Variants in ATP8B3 observed in about 807,000 individuals in gnomAD.
ATP8B3 encodes phospholipid-transporting ATPase IK.
A neutral mutation model predicts 140.9 loss-of-function variants in ATP8B3; 141 were observed. The observed-to-expected ratio is 1.00, with a 90% CI of 0.87 to 1.15. ATP8B3 has a LOEUF of 1.15. Among genes scored for constraint, ATP8B3 ranks in the 50% most tolerant of loss-of-function variants. ATP8B3 has a pLI of 0.00. For missense variants in ATP8B3, 1,874 were observed against 1,740.6 expected (o/e 1.08, Z -1.36); for synonymous variants, 765 against 714.6 (o/e 1.07, Z -1.13).
intron 20 of ATP8B3, 80 bp downstream of exon 20, chr19:1,791,670 G>A: frequency 1.8e-6 from 2 of 1,106,210 alleles, no homozygotes; most frequent in Non-Finnish European, 2.7e-6. Context: ...TGGGATGACA[G>A]GTGTGAGCCT....
At chr19:1,799,710 G>A (rs1289848346) in intron 14 of ATP8B3, 8 of 591,072 alleles carry the variant, frequency 1.4e-5, no homozygotes, top group African/African-American at 1.3e-4. Context: ...ATTGCAGTGA[G>A]CCAAGATTGC....
At chr19:1,804,148 A>T (rs2068938766) in intron 10 of ATP8B3, among the ~76,000 whole-genome samples, 1 of 152,190 alleles carries the variant, frequency 6.6e-6, no homozygotes, top group Non-Finnish European at 1.5e-5. Context: ...GCTGCAGCAA[A>T]GAGTAACTGT....
intron 28 of ATP8B3, 49 bp downstream of exon 28, chr19:1,784,770 G>T (rs1266907475): frequency 6.5e-7 from 1 of 1,538,644 alleles, no homozygotes; most frequent in Non-Finnish European, 8.7e-7. Context: ...TCCCCAACCA[G>T]GGTCCTGGAA....
chr19:1,794,174 C>T lies in ATP8B3; in HGVS notation c.2055+1701G>A, dbSNP rs2068601191. 1.3e-5 allele frequency among the ~76,000 whole-genome samples: 2 copies of T among 152,232 alleles called. 1 individual carries two copies. The highest frequency in any genetic ancestry group is 4.1e-4 in the South Asian group (2 of 4,838). ...TCCCAAAGTGCTGGGACCACAGGCA[C>T]GCGCCACCATGTCTGATTTCCCTTT... is the stretch of plus-strand genomic sequence containing the variant. On this transcript the variant is annotated intron_variant, in intron 18 of 28. Transcript: ENST00000310127. This position sits in a 1 kb window ranked among gnomAD's most constrained non-coding sequence, Gnocchi z 4.8.
chr19:1,788,945 G>A lies in ATP8B3; in HGVS notation c.3021C>T (p.Ser1007=), dbSNP rs1414133678. 3.7e-6 allele frequency: 6 copies of A among 1,607,608 alleles called. No individual in the cohort carries two copies. In the African/African-American group the frequency reaches 8.0e-5, roughly 21 times the overall value. ...LRYFFYKSMA[S]MMVQVWFACY... ...AGGCAAACCAGACCTGCACCATCAT[G>A]CTGGCCATGCTCTTGTAGAAGAAGT... is the stretch of plus-strand genomic sequence containing the variant. The change falls in exon 24 of 29, where the codon AGC becomes AGT. Residue 1007 remains serine (S), a synonymous_variant. Coordinates refer to ENST00000310127, the MANE Select transcript of ATP8B3 (RefSeq NM_138813.4).
intron 14 of ATP8B3, chr19:1,799,611 C>G (rs2068779219): frequency 2.0e-6 from 1 of 505,946 alleles, no homozygotes; most frequent in African/African-American, 2.0e-5. Flanking sequence ...GCTAAAAATA[C>G]AAAAAAATTA....
chr19:1,806,311 G>C lies in ATP8B3; in HGVS notation c.678-142C>G, dbSNP rs1197697675. On this transcript the variant is annotated intron_variant, in intron 7 of 28. Transcript: ENST00000310127. The surrounding 1 kb of genome is among the most constrained non-coding windows in gnomAD (Gnocchi z 5.6). ...TTTGCCCCCTCAGGAAGCCTTCCCC[G>C]GGCTCCCACCCCACTCCCCGCGGGT... 6.8e-7 allele frequency: 1 copy of C among 1,481,112 alleles called. No individual in the cohort carries two copies. The highest frequency in any genetic ancestry group is 1.4e-5 in the African/African-American group (1 of 71,626). 91.7% of individuals were successfully genotyped at this position (1,481,112 alleles called of 1,614,324 possible). A position where few individuals can be genotyped will look rare whatever the true frequency, so the allele number is the denominator to read the frequency against.
intron 18 of ATP8B3, among the ~76,000 whole-genome samples, chr19:1,792,914 CAA>C (rs199718872): frequency 2.4e-4 from 24 of 100,486 alleles, no homozygotes; most frequent in Non-Finnish European, 3.5e-4. Flanking sequence ...GATTCTGTTT[CAA>C]AAAAAAAAAA....
chr19:1,784,004 G>A (rs2068231131), intron 28 of ATP8B3, among the ~76,000 whole-genome samples: 1 of 152,132 alleles, frequency 6.6e-6, no homozygotes. Context: ...CTGGCCTTGA[G>A]CACATGTCCT....
intron 25 of ATP8B3, 66 bp downstream of exon 25, chr19:1,787,037 G>T: frequency 4.9e-6 from 7 of 1,438,582 alleles, no homozygotes; most frequent in Non-Finnish European, 6.7e-6. Context: ...CCGCCCCAAG[G>T]AGCGGAGGAG....
intron 18 of ATP8B3, 105 bp from the exon 19 acceptor site, chr19:1,792,240 A>C: frequency 1.5e-6 from 2 of 1,321,456 alleles, no homozygotes; most frequent in Non-Finnish European, 2.0e-6. Context: ...CCCCCAACCA[A>C]AAGCCTGTTG....
chr19:1,805,783 T>A lies in ATP8B3; in HGVS notation c.821+105A>T, dbSNP rs2068992973. The A allele has an allele frequency of 2.8e-6, 4 of 1,410,320 alleles. No homozygotes were observed. In the South Asian group the frequency reaches 4.8e-5, roughly 17 times the overall value. The allele number at this position is 1,410,320 out of a possible 1,614,324, so 87.4% of individuals were successfully genotyped here. A position where few individuals can be genotyped will look rare whatever the true frequency, so the allele number is the denominator to read the frequency against. On this transcript the variant is annotated intron_variant, in intron 9 of 28. Transcript: ENST00000310127. This position sits in a 1 kb window ranked among gnomAD's most constrained non-coding sequence, Gnocchi z 5.2. ...ACTCATGGGGTGAGTGACCAAAGTC[T>A]CTGAGCGACCTTGGCTGGCCGCCTC...
chr19:1,792,755 C>T (rs1314862851), intron 18 of ATP8B3, among the ~76,000 whole-genome samples: 7 of 151,554 alleles, frequency 4.6e-5, no homozygotes, highest in Admixed American at 2.0e-4. Context: ...CCACTCGAAA[C>T]ACATAAAAAA....
Position 1,800,599 on chromosome 19 carries a change from G to A in ATP8B3, c.1153-150C>T. ...CTTCAGGAGGCTAAGGCAGGCGGAT[G>A]GCTTGACGTCAGGAGTTCAAGACCA... On this transcript the variant is annotated intron_variant, in intron 12 of 28. Transcript: ENST00000310127. This position sits in a 1 kb window ranked among gnomAD's most constrained non-coding sequence, Gnocchi z 4.4. The A allele has an allele frequency of 1.4e-6, 1 of 709,016 alleles. No homozygotes were observed. 43.9% of individuals were successfully genotyped at this position (709,016 alleles called of 1,614,324 possible). A position where few individuals can be genotyped will look rare whatever the true frequency, so the allele number is the denominator to read the frequency against.
Position 1,799,960 on chromosome 19 carries a change from G to A in ATP8B3, c.1539C>T (p.Ser513=), listed in dbSNP as rs780966904. The change falls in exon 14 of 29, where the codon AGC becomes AGT. Residue 513 remains serine (S), a synonymous_variant. Transcript: ENST00000310127. The part of the protein sequence containing the change: ...NILTFNKCCI[S]GRVYGPDSEA... ...TCGGGGCCGCACCATAGACGCGGCC[G>A]CTGATGCAGCACTTGTTGAAGGTCA... 1.4e-4 allele frequency: 222 copies of A among 1,598,644 alleles called. 2 individuals carry two copies. The highest frequency in any genetic ancestry group is 1.6e-4 in the Middle Eastern group (1 of 6,062).
chr19:1,783,293 G>C (rs1253516045), intron 28 of ATP8B3, 23 bp from the exon 29 acceptor site: 1 of 1,599,424 alleles, frequency 6.3e-7, no homozygotes, highest in African/African-American at 1.3e-5. Flanking sequence ...GGGGAGAGCA[G>C]GGGAAGCAGA....
rs2068417082 is a variant in ATP8B3 at position 1,789,445 on chromosome 19, G to C, written c.2761C>G (p.Leu921Val). Residue 921 changes from leucine to valine, a missense_variant, in exon 23 of 29, where the codon CTG (leucine) becomes GTG (valine). By Grantham distance (32) the Leu-to-Val change is conservative (BLOSUM62 1). This residue lies in a region of ATP8B3 where 840 missense variants were observed against 760.9 expected (regional missense o/e 1.10). Transcript: ENST00000310127. ...TACTTCTTGACCAGGGCCACGATCAGGGCCTTCTGCTTGGGCGTCACGCGG... is the reference window on the plus strand; with the variant it reads ...TACTTCTTGACCAGGGCCACGATCACGGCCTTCTGCTTGGGCGTCACGCGG... ...CCRVTPKQKALIVALVKKYHQ... is the reference protein window; with the variant it reads ...CCRVTPKQKAVIVALVKKYHQ... 1 of 1,597,894 alleles carries C rather than the reference G, an allele frequency of 6.3e-7. No homozygotes were observed. Among genetic ancestry groups the C allele is most frequent in the African/African-American group, 1.3e-5 (1 of 74,210 alleles).
intron 14 of ATP8B3, 53 bp downstream of exon 14, chr19:1,799,894 G>A: frequency 6.6e-7 from 1 of 1,510,624 alleles, no homozygotes; most frequent in Non-Finnish European, 8.9e-7. Flanking sequence ...CAGGCACCCT[G>A]AGCCCCTTGA....
intron 23 of ATP8B3, 65 bp from the exon 24 acceptor site, chr19:1,789,185 C>T (rs2068405184): frequency 9.6e-7 from 1 of 1,040,510 alleles, no homozygotes; most frequent in Non-Finnish European, 1.3e-6. Flanking sequence ...CCCCCAGACC[C>T]CCGCACTGTT....
Sources: allele counts gnomAD v4.1 joint callset (sites outside exome capture counted in the v4.1 genomes callset), GRCh38; gene constraint gnomAD v4.1.1; regional missense constraint gnomAD v4.1.1; non-coding constraint Gnocchi (gnomAD v3.1); transcripts MANE v1.5; gene names NCBI Gene and HGNC (gene_info 2026-07-23, HGNC 2026-07-21).